SLC30A5: variants seen among roughly 807,000 people sequenced by gnomAD.
The protein encoded by SLC30A5 is solute carrier family 30 member 5, also known as proton-coupled zinc antiporter SLC30A5.
Under a neutral mutation model 79.6 loss-of-function variants are expected in SLC30A5, and 33 were observed. The observed-to-expected ratio is 0.41, with a 90% CI of 0.31 to 0.55. The LOEUF (loss-of-function observed/expected upper bound fraction) is 0.55, where lower values mean the gene tolerates loss of function less well. Ranked by LOEUF, SLC30A5 falls within the 20% of genes least tolerant of loss-of-function variation. The pLI, the probability that SLC30A5 is intolerant of heterozygous loss-of-function variation, is 0.20. For synonymous variants in SLC30A5, 299 were observed against 319.7 expected (o/e 0.94, Z 0.69); for missense variants, 788 against 928.1 (o/e 0.85, Z 1.96).
At position 69,130,718 on chromosome 5, in the gene SLC30A5, G is replaced by A. The variant is rs983250449; in HGVS notation, c.*1101G>A. ...TTCATTTCCAGTTGTAACTAGATAT[G>A]TAGTAAAGTCTGAAAAGACTTTACC... is the stretch of plus-strand genomic sequence containing the variant. On this transcript the variant is annotated 3_prime_UTR_variant, in exon 16 of 16. Transcript: ENST00000396591. 6 of 151,800 alleles carry A rather than the reference G, an allele frequency of 4.0e-5. No homozygotes were observed. The highest frequency in any genetic ancestry group is 1.5e-4 in the African/African-American group (6 of 41,318). 9.4% of individuals were successfully genotyped at this position (151,800 alleles called of 1,614,324 possible). A position where few individuals can be genotyped will look rare whatever the true frequency, so the allele number is the denominator to read the frequency against.
At chr5:69,108,495 C>A in intron 5 of SLC30A5, 59 bp downstream of exon 5, 4 of 1,215,902 alleles carry the variant, frequency 3.3e-6, no homozygotes, top group Non-Finnish European at 3.6e-6. Flanking sequence ...ACATATTATC[C>A]AAAGGAATAA....
chr5:69,108,947 T>A (rs1746159152), intron 5 of SLC30A5, among the ~76,000 whole-genome samples: 3 of 152,138 alleles, frequency 2.0e-5, no homozygotes, highest in Non-Finnish European at 4.4e-5. Context: ...ATATAATCCG[T>A]AGTTGGAGAA....
intron 5 of SLC30A5, among the ~76,000 whole-genome samples, chr5:69,112,021 C>G (rs1746246308): frequency 6.6e-6 from 1 of 151,964 alleles, no homozygotes; most frequent in South Asian, 2.1e-4. Flanking sequence ...GCTGTTTAGC[C>G]AGGCACAGTG....
At chr5:69,112,066 G>T (rs1326209941) in intron 5 of SLC30A5, among the ~76,000 whole-genome samples, 2 of 152,092 alleles carry the variant, frequency 1.3e-5, no homozygotes, top group African/African-American at 4.8e-5. Flanking sequence ...TTGGGAGACC[G>T]AGGCGGGTGG....
chr5:69,118,311 G>GTGTGTATA (rs1321743509), intron 11 of SLC30A5, 188 bp from the exon 12 acceptor site: 3,244 of 158,176 alleles, frequency 0.021, 150 homozygotes, highest in Non-Finnish European at 0.028. Context: ...ATATATATGT[G>GTGTGTATA]TATATATATA....
At chr5:69,118,070 G>A (rs565272301) in intron 11 of SLC30A5, among the ~76,000 whole-genome samples, 1 of 149,990 alleles carries the variant, frequency 6.7e-6, no homozygotes, top group Admixed American at 6.7e-5. Context: ...CCAGCTACTC[G>A]GGAGGCTGAA....
intron 3 of SLC30A5, among the ~76,000 whole-genome samples, chr5:69,103,468 C>T (rs780141021): frequency 1.2e-4 from 19 of 152,164 alleles, no homozygotes; most frequent in Non-Finnish European, 2.1e-4. Flanking sequence ...GCTGACAAAG[C>T]ATAGGGGTTA....
intron 10 of SLC30A5, 65 bp from the exon 11 acceptor site, chr5:69,117,174 T>C (rs1357757510): frequency 7.3e-7 from 1 of 1,373,198 alleles, no homozygotes; most frequent in East Asian, 2.3e-5. Flanking sequence ...AATTAAGGGT[T>C]AAAATCCTCC....
chr5:69,127,894 G>A, intron 14 of SLC30A5, 110 bp from the exon 15 acceptor site: 6 of 891,544 alleles, frequency 6.7e-6, no homozygotes, highest in Non-Finnish European at 1.0e-5. Flanking sequence ...GAGCTTAATA[G>A]TGATCCTGGA....
intron 1 of SLC30A5, among the ~76,000 whole-genome samples, chr5:69,097,109 CTTT>C (rs1228027917): frequency 2.3e-5 from 2 of 87,948 alleles, no homozygotes; most frequent in East Asian, 3.3e-4. Context: ...CTCTCTTTTT[CTTT>C]TTTTTTTTTT....
In SLC30A5 at chr5:69,094,211, G is replaced by C; in HGVS notation, c.-45G>C. The C allele has an allele frequency of 9.9e-7, 1 of 1,014,920 alleles. No individual in the cohort carries two copies. Among genetic ancestry groups the C allele is most frequent in the East Asian group, 3.3e-5 (1 of 30,768 alleles). The allele number at this position is 1,014,920 out of a possible 1,614,324, so 62.9% of individuals were successfully genotyped here. ...TTCCGCGGCAGCGGCGAGACATGAG[G>C]AGACCCCGCGACAGGGGCAGCGGCG... On this transcript the variant is annotated 5_prime_UTR_variant, in exon 1 of 16. Transcript: ENST00000396591.
chr5:69,105,332 C>G (rs1746052235), intron 4 of SLC30A5, among the ~76,000 whole-genome samples: 2 of 152,244 alleles, frequency 1.3e-5, no homozygotes, highest in South Asian at 4.1e-4. Context: ...TTTAACATTT[C>G]CCCATCTGTA....
At position 69,116,045 on chromosome 5, in the gene SLC30A5, T is replaced by C. The variant is rs1467307472; in HGVS notation, c.903T>C (p.Cys301=). ...CAGTCAAAATGGAAGTTTCCAAATG[T>C]GCTCGTTATGGATCCTTTCCCATTT... ...ICSVKMEVSK[C]ARYGSFPIFI... The change falls in exon 9 of 16, where the codon TGT becomes TGC. Residue 301 remains cysteine, a synonymous_variant. Coordinates refer to ENST00000396591, the MANE Select transcript of SLC30A5 (RefSeq NM_022902.5). The surrounding 1 kb of genome is among the most constrained non-coding windows in gnomAD (Gnocchi z 4.0). The C allele has an allele frequency of 6.2e-7, 1 of 1,614,098 alleles. No homozygotes were observed. The highest frequency in any genetic ancestry group is 8.5e-7 in the Non-Finnish European group (1 of 1,180,048).
chr5:69,110,910 C>T (rs141239265), intron 5 of SLC30A5, among the ~76,000 whole-genome samples: 5 of 152,120 alleles, frequency 3.3e-5, no homozygotes, highest in African/African-American at 9.6e-5. Context: ...AAAAAGTTTT[C>T]CTCCTTAAGT....
rs115500396 is a variant in SLC30A5 at position 69,095,413 on chromosome 5, G to C, written c.83+1075G>C. On this transcript the variant is annotated intron_variant, in intron 1 of 15. Transcript: ENST00000396591. ...GACGAGGTTTCTCCATGTTGGTGTG[G>C]CTGGTCTTGAGCTCCCGACCTCGTG... Among the ~76,000 whole-genome samples the C allele has an allele frequency of 6.0e-3, 911 of 152,104 alleles. 14 individuals are homozygous for C. Among genetic ancestry groups the C allele is most frequent in the African/African-American group, 0.021 (861 of 41,506 alleles).
At chr5:69,110,293 C>T (rs1746198191) in intron 5 of SLC30A5, among the ~76,000 whole-genome samples, 1 of 152,130 alleles carries the variant, frequency 6.6e-6, no homozygotes, top group African/African-American at 2.4e-5. Context: ...ACTTCCTGTG[C>T]ATGGTGCATT....
At chr5:69,111,356 G>A (rs1324770691) in intron 5 of SLC30A5, among the ~76,000 whole-genome samples, 1 of 135,954 alleles carries the variant, frequency 7.4e-6, no homozygotes, top group African/African-American at 2.8e-5. Flanking sequence ...CCAGGCTGGT[G>A]TGCAGTGGCA....
chr5:69,121,833 G>A lies in SLC30A5; in HGVS notation c.1709G>A (p.Ser570Asn), dbSNP rs749166446. The change falls in exon 13 of 16, where the codon AGT becomes AAT. Residue 570 changes from serine to asparagine, a missense_variant. This residue lies in a region of SLC30A5 where 626 missense variants were observed against 755.5 expected (regional missense o/e 0.83). Transcript: ENST00000396591. ...HSHSHHMHGH[S>N]DHGHGHSHGS... is the part of the protein sequence containing the mutation. ...CATTCACACCATATGCATGGACACA[G>A]TGACCATGGGCATGGTCACAGCCAC... is the stretch of plus-strand genomic sequence containing the variant. The A allele has an allele frequency of 6.2e-7, 1 of 1,613,584 alleles. No homozygotes were observed. Among genetic ancestry groups the A allele is most frequent in the East Asian group, 2.2e-5 (1 of 44,846 alleles).
chr5:69,124,006 G>A lies in SLC30A5; in HGVS notation c.1998+581G>A, dbSNP rs527627275. Among the ~76,000 whole-genome samples the A allele has an allele frequency of 2.9e-4, 44 of 151,220 alleles. 1 individual carries two copies. In the South Asian group the frequency reaches 4.2e-3, roughly 14 times the overall value. On this transcript the variant is annotated intron_variant, in intron 14 of 15. Transcript: ENST00000396591. ...CGGGCACCTGTAGTCCCAGCTACTC[G>A]GGAGGCTGAGGCAGGAGAATGGCGT... is the stretch of plus-strand genomic sequence containing the variant.
Sources: allele counts gnomAD v4.1 joint callset (sites outside exome capture counted in the v4.1 genomes callset), GRCh38; gene constraint gnomAD v4.1.1; regional missense constraint gnomAD v4.1.1; non-coding constraint Gnocchi (gnomAD v3.1); transcripts MANE v1.5; gene names NCBI Gene and HGNC (gene_info 2026-07-23, HGNC 2026-07-21).